EFNA5: variants seen among roughly 807,000 people sequenced by gnomAD.
EFNA5 encodes ephrin-A5.
A neutral mutation model predicts 22.9 loss-of-function variants in EFNA5; 5 were observed. The ratio of observed to expected loss-of-function variants is 0.22; its 90% CI spans 0.11 to 0.46. The LOEUF is 0.46. Among genes scored for constraint, EFNA5 ranks in the 20% least tolerant of loss-of-function variants. The pLI is 0.99. For synonymous variants in EFNA5, 113 were observed against 112.2 expected (o/e 1.01, Z -0.04); for missense variants, 237 against 293.3 (o/e 0.81, Z 1.40).
intron 2 of EFNA5, among the ~76,000 whole-genome samples, chr5:107,404,933 G>A (rs1434413756): frequency 6.6e-6 from 1 of 152,128 alleles, no homozygotes; most frequent in Non-Finnish European, 1.5e-5. Context: ...TTCTAATCAG[G>A]TGCATGTCAA....
At chr5:107,489,172 A>C (rs1746729516) in intron 1 of EFNA5, among the ~76,000 whole-genome samples, 1 of 152,110 alleles carries the variant, frequency 6.6e-6, no homozygotes. Flanking sequence ...ATTGGACCAG[A>C]CAAAATTTGT....
intron 1 of EFNA5, among the ~76,000 whole-genome samples, chr5:107,606,809 T>A (rs62355649): frequency 1.3e-5 from 2 of 152,212 alleles, no homozygotes; most frequent in Admixed American, 6.5e-5. Flanking sequence ...TCTGATATCC[T>A]TTAAATACAG....
rs538713748 is a variant in EFNA5 at position 107,379,692 on chromosome 5, C to T, written c.*1563G>A. On this transcript the variant is annotated 3_prime_UTR_variant, in exon 5 of 5. Transcript: ENST00000333274. ...GCATTTCCTGGTAATCGACTGGAAA[C>T]GTCCCCTGTTGGCCATGCTAAGATT... The T allele has an allele frequency of 3.1e-4, 47 of 152,110 alleles. No homozygotes were observed. The highest frequency in any genetic ancestry group is 1.1e-3 in the African/African-American group (45 of 41,488). 9.4% of individuals were successfully genotyped at this position (152,110 alleles called of 1,614,324 possible).
intron 1 of EFNA5, among the ~76,000 whole-genome samples, chr5:107,435,322 T>TTTTTTTTTTTTTTTTTC: frequency 6.7e-6 from 1 of 149,804 alleles, no homozygotes; most frequent in African/African-American, 2.5e-5. Context: ...GCTCTTTTTT[T>TTTTTTTTTTTTTTTTTC]TTTTTTTTTT....
At chr5:107,476,320 TG>T (rs942347804) in intron 1 of EFNA5, among the ~76,000 whole-genome samples, 8 of 151,754 alleles carry the variant, frequency 5.3e-5, no homozygotes, top group Non-Finnish European at 7.4e-5. Context: ...CCCAAAGTGC[TG>T]GGATTACAGG....
At chr5:107,426,256 A>G (rs1255254569) in intron 2 of EFNA5, among the ~76,000 whole-genome samples, 1 of 152,212 alleles carries the variant, frequency 6.6e-6, no homozygotes, top group Non-Finnish European at 1.5e-5. Context: ...AATACATGGG[A>G]AAGGCCAGAT....
intron 1 of EFNA5, among the ~76,000 whole-genome samples, chr5:107,612,888 G>A (rs1037802096): frequency 6.6e-6 from 1 of 152,054 alleles, no homozygotes; most frequent in Non-Finnish European, 1.5e-5. Context: ...AAAGTTAAAG[G>A]AAATAACCTT....
At chr5:107,562,717 A>G (rs770767167) in intron 1 of EFNA5, among the ~76,000 whole-genome samples, 18 of 152,234 alleles carry the variant, frequency 1.2e-4, no homozygotes, top group East Asian at 1.9e-4. Context: ...TGCAGAAGAC[A>G]GACTCCTCCA....
chr5:107,659,660 T>C (rs2112559262), intron 1 of EFNA5, among the ~76,000 whole-genome samples: 1 of 151,606 alleles, frequency 6.6e-6, no homozygotes, highest in South Asian at 2.1e-4. Context: ...CAGATGTCAA[T>C]GAAAAATCTA....
intron 1 of EFNA5, among the ~76,000 whole-genome samples, chr5:107,441,821 G>A (rs886522996): frequency 1.3e-5 from 2 of 152,052 alleles, no homozygotes; most frequent in African/African-American, 2.4e-5. Flanking sequence ...TGACAATTAG[G>A]ACATTTAAAA....
intron 1 of EFNA5, among the ~76,000 whole-genome samples, chr5:107,484,397 A>T (rs980770425): frequency 3.7e-4 from 57 of 152,208 alleles, no homozygotes; most frequent in African/African-American, 1.4e-3. Flanking sequence ...CTTACTGCAC[A>T]GCTGCCAAAT....
chr5:107,465,226 G>T (rs1186262376), intron 1 of EFNA5, among the ~76,000 whole-genome samples: 1 of 152,044 alleles, frequency 6.6e-6, no homozygotes, highest in Non-Finnish European at 1.5e-5. Flanking sequence ...TCTTTCCAAG[G>T]CCCTGCGAAG....
intron 1 of EFNA5, among the ~76,000 whole-genome samples, chr5:107,444,792 C>A (rs529767093): frequency 3.9e-5 from 6 of 152,060 alleles, no homozygotes; most frequent in Non-Finnish European, 7.4e-5. Flanking sequence ...AAGGACACAG[C>A]CCTAGGAGAA....
rs1214380627 is a variant in EFNA5, at chr5:107,398,854, C to CAAAAA, written c.419-11088_419-11084dup. On this transcript the variant is annotated intron_variant, in intron 2 of 4. Coordinates refer to ENST00000333274, the MANE Select transcript of EFNA5 (RefSeq NM_001962.3). ...TGGGTGACAGAATGAGACACTGCCT[C>CAAAAA]AAAAAAAAAAAAAAAAAAAAAATCT... Among the ~76,000 whole-genome samples the CAAAAA allele has an allele frequency of 1.5e-3, 95 of 64,940 alleles. 1 individual carries two copies. The highest frequency in any genetic ancestry group is 1.8e-3 in the African/African-American group (33 of 18,128). 42.6% of individuals were successfully genotyped at this position (64,940 alleles called of 152,430 possible).
intron 1 of EFNA5, among the ~76,000 whole-genome samples, chr5:107,584,443 G>A (rs1251494198): frequency 6.6e-6 from 1 of 152,184 alleles, no homozygotes. Context: ...GTAGCTGGCT[G>A]CAGCATTTCC....
At chr5:107,652,046 C>T (rs975169052) in intron 1 of EFNA5, among the ~76,000 whole-genome samples, 5 of 152,096 alleles carry the variant, frequency 3.3e-5, no homozygotes, top group Admixed American at 2.0e-4. Flanking sequence ...TCTGTACCAT[C>T]CTCTCAATAT....
rs143721688 is a variant in EFNA5, at chr5:107,545,120, A to C, written c.126-117611T>G. Among the ~76,000 whole-genome samples, 3 of 152,356 alleles carry C rather than the reference A, an allele frequency of 2.0e-5. No individual in the cohort carries two copies. In the East Asian group the frequency reaches 5.8e-4, roughly 29 times the overall value. ...CCCTGTCTATATCTCAGCTGAGGAA[A>C]TAAAAGTCACACATCGAACCTTTAC... On this transcript the variant is annotated intron_variant, in intron 1 of 4. Coordinates refer to ENST00000333274, the MANE Select transcript of EFNA5 (RefSeq NM_001962.3).
chr5:107,539,650 G>C (rs1278239336), intron 1 of EFNA5, among the ~76,000 whole-genome samples: 3 of 151,988 alleles, frequency 2.0e-5, no homozygotes, highest in Non-Finnish European at 2.9e-5. Flanking sequence ...GTAGAGACGG[G>C]GTTTCACCGT....
intron 1 of EFNA5, among the ~76,000 whole-genome samples, chr5:107,516,909 A>C: frequency 6.6e-6 from 1 of 152,226 alleles, no homozygotes; most frequent in Non-Finnish European, 1.5e-5. Context: ...ATATTGTATG[A>C]TTCCATTTGT....
Sources: gnomAD v4.1 joint callset for allele counts (sites outside exome capture counted in the v4.1 genomes callset) on GRCh38, gnomAD v4.1.1 for gene constraint, MANE v1.5 for transcripts, NCBI Gene and HGNC (gene_info 2026-07-23, HGNC 2026-07-21) for gene names.